MPC1: variants seen among roughly 807,000 people sequenced by gnomAD.
MPC1 encodes mitochondrial pyruvate carrier 1.
MPC1 carries 6 observed loss-of-function variants against 13.9 expected under a neutral mutation model. That is an observed-to-expected ratio of 0.43 (90% CI 0.24 to 0.85). The LOEUF is 0.85. Among genes scored for constraint, MPC1 ranks in the 40% least tolerant of loss-of-function variants. The pLI is 0.24. For synonymous variants in MPC1, 47 were observed against 50.5 expected (o/e 0.93, Z 0.29); for missense variants, 115 against 143.3 (o/e 0.80, Z 1.01).
intron 1 of MPC1, among the ~76,000 whole-genome samples, chr6:166,378,697 T>C (rs1442073387): frequency 1.3e-5 from 2 of 152,130 alleles, no homozygotes; most frequent in African/African-American, 4.8e-5. Flanking sequence ...GAAAAAGGTA[T>C]TGGAATAGAG....
At chr6:166,366,616 A>C (rs1402554809) in intron 3 of MPC1, among the ~76,000 whole-genome samples, 179 bp downstream of exon 3, 1 of 152,208 alleles carries the variant, frequency 6.6e-6, no homozygotes, top group Non-Finnish European at 1.5e-5. Flanking sequence ...TTCCTAGATA[A>C]ATATTTCTAA....
chr6:166,365,522 TG>T lies in MPC1; in HGVS notation c.306-70del, dbSNP rs1779117404. ...CAATGCCAATCGCAAGGGCTTTGGA[TG>T]GCTTTTAAAAGACACCTTTACATAA... On this transcript the variant is annotated intron_variant, in intron 4 of 4. Coordinates refer to ENST00000360961, the MANE Select transcript of MPC1 (RefSeq NM_016098.4). This position sits in a 1 kb window ranked among gnomAD's most constrained non-coding sequence, Gnocchi z 4.2. 1.5e-6 allele frequency: 2 copies of T among 1,353,594 alleles called. No individual in the cohort carries two copies. Among genetic ancestry groups the T allele is most frequent in the Non-Finnish European group, 1.0e-6 (1 of 996,694 alleles). 83.8% of individuals were successfully genotyped at this position (1,353,594 alleles called of 1,614,324 possible).
intron 1 of MPC1, among the ~76,000 whole-genome samples, chr6:166,377,567 A>G (rs1027262170): frequency 6.6e-6 from 1 of 152,248 alleles, no homozygotes; most frequent in Non-Finnish European, 1.5e-5. Context: ...CTGACAGCCT[A>G]GCATAGTATA....
In MPC1 at chr6:166,365,311, G is replaced by T. The variant is rs1226738473; in HGVS notation, c.*118C>A. On this transcript the variant is annotated 3_prime_UTR_variant, in exon 5 of 5. Coordinates refer to ENST00000360961, the MANE Select transcript of MPC1 (RefSeq NM_016098.4). This position sits in a 1 kb window ranked among gnomAD's most constrained non-coding sequence, Gnocchi z 4.2. ...CAGCTATTTCTATAAAAATAGAATGGTTAGTAAAAATAGCATTCAGTGTAT... is the reference window on the plus strand; with the variant it reads ...CAGCTATTTCTATAAAAATAGAATGTTTAGTAAAAATAGCATTCAGTGTAT... 24 of 777,978 alleles carry T rather than the reference G, an allele frequency of 3.1e-5. No homozygotes were observed. Among genetic ancestry groups the T allele is most frequent in the Non-Finnish European group, 4.3e-5 (23 of 539,408 alleles). 48.2% of individuals were successfully genotyped at this position (777,978 alleles called of 1,614,324 possible).
intron 1 of MPC1, among the ~76,000 whole-genome samples, chr6:166,371,627 T>C (rs1481940303): frequency 2.0e-5 from 3 of 152,186 alleles, no homozygotes; most frequent in African/African-American, 7.2e-5. Context: ...AACATGAAAA[T>C]AATTGTTGAT....
At chr6:166,371,285 G>A (rs977007614) in intron 1 of MPC1, among the ~76,000 whole-genome samples, 1 of 151,984 alleles carries the variant, frequency 6.6e-6, no homozygotes, top group Non-Finnish European at 1.5e-5. Context: ...CATTTAAACT[G>A]GAATTTAAAA....
intron 1 of MPC1, among the ~76,000 whole-genome samples, chr6:166,377,668 T>C (rs1043261014): frequency 6.6e-6 from 1 of 152,238 alleles, no homozygotes; most frequent in Non-Finnish European, 1.5e-5. Flanking sequence ...TCTTACCAAA[T>C]TTTGTCTAGT....
At position 166,366,814 on chromosome 6, in the gene MPC1, G is replaced by A. The variant is rs1409038731; in HGVS notation, c.153C>T (p.Ile51=). The change falls in exon 3 of 5, where the codon ATC becomes ATT. Residue 51 remains isoleucine (I), a synonymous_variant. Coordinates refer to ENST00000360961, the MANE Select transcript of MPC1 (RefSeq NM_016098.4). ...INDMKKSPEI[I]SGRMTFALCC... is the part of the protein sequence containing the mutation. Reference sequence around the variant, plus strand: ...TCTTACCAAATGTCATCCGCCCACTGATAATCTCTGGAGACTTTTTCATAT... The same window carrying A: ...TCTTACCAAATGTCATCCGCCCACTAATAATCTCTGGAGACTTTTTCATAT... The A allele has an allele frequency of 6.2e-7, 1 of 1,613,894 alleles. No homozygotes were observed. The highest frequency in any genetic ancestry group is 8.5e-7 in the Non-Finnish European group (1 of 1,179,932).
intron 1 of MPC1, among the ~76,000 whole-genome samples, chr6:166,381,451 G>A (rs569028119): frequency 6.6e-6 from 1 of 152,102 alleles, no homozygotes; most frequent in East Asian, 1.9e-4. Flanking sequence ...TATCCCTTTT[G>A]TGTGGTTATA....
intron 1 of MPC1, among the ~76,000 whole-genome samples, chr6:166,380,879 G>C (rs903281422): frequency 3.4e-5 from 5 of 147,278 alleles, no homozygotes; most frequent in Non-Finnish European, 7.4e-5. Flanking sequence ...GCGGAGGTTT[G>C]GATGAGCCAA....
intron 2 of MPC1, chr6:166,369,952 G>A (rs1428414984): frequency 1.6e-6 from 1 of 624,986 alleles, no homozygotes; most frequent in Admixed American, 2.4e-5. Context: ...CGGTTGCTAG[G>A]CTCCACTGTG....
intron 1 of MPC1, among the ~76,000 whole-genome samples, chr6:166,380,743 C>T (rs1031534270): frequency 6.6e-6 from 1 of 151,864 alleles, no homozygotes; most frequent in African/African-American, 2.4e-5. Context: ...AGTTCGAGAC[C>T]AGCCTGACCA....
Position 166,365,597 on chromosome 6 carries a change from T to C in MPC1, c.306-144A>G. 1.5e-6 allele frequency: 1 copy of C among 661,454 alleles called. No homozygotes were observed. The highest frequency in any genetic ancestry group is 3.5e-5 in the Admixed American group (1 of 28,416). The allele number at this position is 661,454 out of a possible 1,614,324, so 41.0% of individuals were successfully genotyped here. On this transcript the variant is annotated intron_variant, in intron 4 of 4. Transcript: ENST00000360961. The surrounding 1 kb of genome is among the most constrained non-coding windows in gnomAD (Gnocchi z 4.2). The stretch of plus-strand genomic sequence containing the variant: ...TAAAAACAATAATATAGGTTGGGTA[T>C]CCCTCATCTGAAATGCTTAGGCCCA...
intron 1 of MPC1, among the ~76,000 whole-genome samples, chr6:166,371,069 A>G (rs1779362568): frequency 6.6e-6 from 1 of 152,200 alleles, no homozygotes; most frequent in African/African-American, 2.4e-5. Flanking sequence ...ATCAGTAGCC[A>G]CCTGTGGCTA....
At chr6:166,369,967 T>C in intron 2 of MPC1, 1 of 657,968 alleles carries the variant, frequency 1.5e-6, no homozygotes, top group South Asian at 1.6e-5. Flanking sequence ...ACTGTGACTG[T>C]TATCAATGAA....
At chr6:166,368,778 ACTCT>A (rs1779267168) in intron 2 of MPC1, 1 of 984,708 alleles carries the variant, frequency 1.0e-6, no homozygotes, top group Non-Finnish European at 1.2e-6. Context: ...TCATTTTTCA[ACTCT>A]CTATTATTCC....
intron 1 of MPC1, among the ~76,000 whole-genome samples, chr6:166,374,952 C>T (rs1482049001): frequency 3.9e-5 from 6 of 152,154 alleles, no homozygotes; most frequent in Admixed American, 3.9e-4. Flanking sequence ...ATTTAAACTC[C>T]AAAATCTGTG....
chr6:166,382,794 G>A lies in MPC1; in HGVS notation c.71+12C>T. On this transcript the variant is annotated intron_variant, in intron 1 of 4. Transcript: ENST00000360961. The stretch of plus-strand genomic sequence containing the variant: ...CTCCGGGTTGCGGGGTTCGGCCTGC[G>A]GCGCTCGTCACCTCATGAGGTAGTC... 1 of 1,580,458 alleles carries A rather than the reference G, an allele frequency of 6.3e-7. No individual in the cohort carries two copies. The highest frequency in any genetic ancestry group is 1.2e-5 in the South Asian group (1 of 86,636).
intron 1 of MPC1, among the ~76,000 whole-genome samples, chr6:166,374,418 CTT>C (rs909353506): frequency 6.6e-6 from 1 of 152,124 alleles, no homozygotes; most frequent in Non-Finnish European, 1.5e-5. Context: ...CAGAGCAAAA[CTT>C]TTTAATTTTT....
Sources: allele counts gnomAD v4.1 joint callset (sites outside exome capture counted in the v4.1 genomes callset), GRCh38; gene constraint gnomAD v4.1.1; non-coding constraint Gnocchi (gnomAD v3.1); transcripts MANE v1.5; gene names NCBI Gene and HGNC (gene_info 2026-07-23, HGNC 2026-07-21).